The following SIL1 variants were observed in gnomAD, a reference collection of about 807,000 sequenced individuals.
SIL1 encodes nucleotide exchange factor SIL1.
SIL1 carries 40 observed loss-of-function variants against 49.1 expected under a neutral mutation model. The ratio of observed to expected loss-of-function variants is 0.81; its 90% confidence interval spans 0.63 to 1.06. The LOEUF (loss-of-function observed/expected upper bound fraction) is 1.06, where lower values mean the gene tolerates loss of function less well. Among genes scored for constraint, SIL1 ranks in the 50% least tolerant of loss-of-function variants. SIL1 has a pLI of 0.00. For missense variants in SIL1, 500 were observed against 572.6 expected (o/e 0.87, Z 1.29); for synonymous variants, 253 against 250.8 (o/e 1.01, Z -0.08).
At chr5:138,993,965 TAATAC>T (rs1767810186) in intron 7 of SIL1, among the ~76,000 whole-genome samples, 1 of 152,178 alleles carries the variant, frequency 6.6e-6, no homozygotes, top group African/African-American at 2.4e-5. Flanking sequence ...AATAGATAAC[TAATAC>T]AATGACCAAA....
In SIL1 at chr5:139,069,161, A is replaced by C. The variant is rs190646136; in HGVS notation, c.245-18115T>G. Among the ~76,000 whole-genome samples, 991 of 152,144 alleles carry C rather than the reference A, an allele frequency of 6.5e-3. 7 individuals carry two copies. Among genetic ancestry groups the C allele is most frequent in the Admixed American group, 0.014 (220 of 15,284 alleles). On this transcript the variant is annotated intron_variant, in intron 3 of 9. Coordinates refer to ENST00000394817, the MANE Select transcript of SIL1 (RefSeq NM_022464.5). ...AAGTCAGTCAGGAATGGTGGCATGC[A>C]CCTGCAGTCCCAGCTACTTGGGAGG... is the stretch of plus-strand genomic sequence containing the variant.
At chr5:139,154,302 T>G (rs181962489) in intron 1 of SIL1, among the ~76,000 whole-genome samples, 100 of 152,354 alleles carry the variant, frequency 6.6e-4, no homozygotes, top group Admixed American at 1.1e-3. Flanking sequence ...CAGATCCAAG[T>G]GCTAGGGCAT....
At chr5:138,953,144 T>A (rs1766821040) in intron 7 of SIL1, among the ~76,000 whole-genome samples, 1 of 152,254 alleles carries the variant, frequency 6.6e-6, no homozygotes, top group South Asian at 2.1e-4. Context: ...TCTGGCTGCC[T>A]GCCCTTGGCA....
intron 1 of SIL1, among the ~76,000 whole-genome samples, chr5:139,138,976 C>T (rs904584594): frequency 1.3e-5 from 2 of 152,210 alleles, no homozygotes; most frequent in African/African-American, 2.4e-5. Context: ...GGCTCTGCAT[C>T]AGTGCCAGCT....
At chr5:138,959,981 C>T (rs1766983750) in intron 7 of SIL1, among the ~76,000 whole-genome samples, 1 of 152,162 alleles carries the variant, frequency 6.6e-6, no homozygotes, top group Admixed American at 6.5e-5. Flanking sequence ...CGATTTTATT[C>T]TTACTAAAGA....
At chr5:139,172,392 G>C (rs1484664476) in intron 1 of SIL1, among the ~76,000 whole-genome samples, 1 of 152,206 alleles carries the variant, frequency 6.6e-6, no homozygotes, top group Non-Finnish European at 1.5e-5. Flanking sequence ...CCAGCACTTT[G>C]GGAGGCTGAG....
At chr5:139,055,609 TCTCCCTCTCCCCC>T (rs1769389040) in intron 3 of SIL1, among the ~76,000 whole-genome samples, 1 of 60,036 alleles carries the variant, frequency 1.7e-5, no homozygotes, top group African/African-American at 6.7e-5. Context: ...TCCCTCTCCC[TCTCCCTCTCCCCC>T]TCTCCCCCTC....
chr5:139,165,991 T>C (rs1430800523), intron 1 of SIL1, among the ~76,000 whole-genome samples: 1 of 152,120 alleles, frequency 6.6e-6, no homozygotes, highest in Non-Finnish European at 1.5e-5. Flanking sequence ...TTGATTGATG[T>C]CTTGTGCCTC....
chr5:139,054,718 G>A (rs1375481496), intron 3 of SIL1, among the ~76,000 whole-genome samples: 2 of 152,176 alleles, frequency 1.3e-5, no homozygotes, highest in South Asian at 2.1e-4. Flanking sequence ...CCAAAGAAGA[G>A]ACTAGGTTCT....
intron 2 of SIL1, among the ~76,000 whole-genome samples, chr5:139,125,092 C>T (rs946878672): frequency 1.7e-4 from 26 of 152,212 alleles, no homozygotes. Context: ...AGGTAAGAAA[C>T]CATAGTCCCA....
intron 4 of SIL1, among the ~76,000 whole-genome samples, chr5:139,046,180 G>A (rs1368632675): frequency 1.2e-4 from 18 of 152,160 alleles, no homozygotes; most frequent in Non-Finnish European, 1.2e-4. Context: ...TACAAAAATT[G>A]GCTGGGTGTG....
At chr5:139,008,691 C>A (rs1314449750) in intron 7 of SIL1, among the ~76,000 whole-genome samples, 1 of 149,714 alleles carries the variant, frequency 6.7e-6, no homozygotes, top group Admixed American at 6.7e-5. Flanking sequence ...CAAAGAACAT[C>A]TTTATTTCTG....
At chr5:139,059,160 G>A (rs1196106282) in intron 3 of SIL1, among the ~76,000 whole-genome samples, 1 of 152,026 alleles carries the variant, frequency 6.6e-6, no homozygotes, top group African/African-American at 2.4e-5. Context: ...ATCTTGAATT[G>A]TAGCTCCCTT....
At chr5:139,137,645 G>C (rs1751000937) in intron 1 of SIL1, among the ~76,000 whole-genome samples, 1 of 151,384 alleles carries the variant, frequency 6.6e-6, no homozygotes, top group South Asian at 2.1e-4. Flanking sequence ...TCGTCATTTA[G>C]CATTAGGTAT....
intron 7 of SIL1, among the ~76,000 whole-genome samples, chr5:138,958,739 AG>A (rs1335087447): frequency 6.6e-6 from 1 of 152,078 alleles, no homozygotes; most frequent in African/African-American, 2.4e-5. Flanking sequence ...AAAAAAAAAA[AG>A]AAAATCCAAA....
intron 3 of SIL1, among the ~76,000 whole-genome samples, chr5:139,065,676 C>A (rs945402224): frequency 2.6e-5 from 4 of 152,160 alleles, no homozygotes; most frequent in African/African-American, 4.8e-5. Context: ...ACACCTCCAC[C>A]CCACCTTCAC....
chr5:139,038,423 T>C (rs1412936122), intron 5 of SIL1, among the ~76,000 whole-genome samples: 2 of 152,168 alleles, frequency 1.3e-5, no homozygotes, highest in Non-Finnish European at 2.9e-5. Context: ...TTTCAGAGCA[T>C]TGTAGTGCTA....
chr5:138,991,193 G>A (rs985623431), intron 7 of SIL1, among the ~76,000 whole-genome samples: 6 of 152,274 alleles, frequency 3.9e-5, no homozygotes, highest in Non-Finnish European at 8.8e-5. Context: ...TCTGGATGGA[G>A]GCTGGGGCAC....
At chr5:139,015,037 G>A (rs1003499962) in intron 7 of SIL1, among the ~76,000 whole-genome samples, 36 of 152,232 alleles carry the variant, frequency 2.4e-4, no homozygotes, top group Middle Eastern at 6.8e-3. Flanking sequence ...AATCATCCAT[G>A]ATTACATCAT....
Sources: allele counts gnomAD v4.1 joint callset (sites outside exome capture counted in the v4.1 genomes callset), GRCh38; gene constraint gnomAD v4.1.1; transcripts MANE v1.5; gene names NCBI Gene and HGNC (gene_info 2026-07-23, HGNC 2026-07-21).